The following NOL10 variants were observed in gnomAD, a reference collection of about 807,000 sequenced individuals.
The protein encoded by NOL10 is nucleolar protein 10, also known as H_NH0074G24.1.
A neutral mutation model predicts 103.5 loss-of-function variants in NOL10; 58 were observed. The observed-to-expected ratio is 0.56, with a 90% CI of 0.45 to 0.70. NOL10 has a LOEUF of 0.70. NOL10 is among the 30% of genes least tolerant of loss of function. The probability of loss-of-function intolerance (pLI) is 0.00; values close to 1 mark genes in which losing one functional copy is unlikely to be tolerated. For missense variants in NOL10, 763 were observed against 807.3 expected, an observed-to-expected ratio of 0.95 and a Z score of 0.67; for synonymous variants, 287 against 282.5, an observed-to-expected ratio of 1.02 and a Z score of -0.16.
At chr2:10,660,403 C>T (rs562497547) in intron 9 of NOL10, among the ~76,000 whole-genome samples, 1 of 152,238 alleles carries the variant, frequency 6.6e-6, no homozygotes, top group South Asian at 2.1e-4. Context: ...CTGCAACCTC[C>T]ACCTTCCGGT....
intron 13 of NOL10, among the ~76,000 whole-genome samples, chr2:10,628,485 T>G (rs1677628064): frequency 6.6e-6 from 1 of 152,220 alleles, no homozygotes; most frequent in South Asian, 2.1e-4. Flanking sequence ...TAACTGTATT[T>G]TTAAAATTGT....
chr2:10,638,519 T>G (rs1678469484), intron 13 of NOL10, among the ~76,000 whole-genome samples: 2 of 108,500 alleles, frequency 1.8e-5, no homozygotes, highest in African/African-American at 7.4e-5. Flanking sequence ...TGAGATAGAG[T>G]CTCACCCTGT....
chr2:10,671,587 T>C lies in NOL10; in HGVS notation c.431A>G (p.Tyr144Cys), dbSNP rs142968524. The change falls in exon 6 of 21, where the codon TAT (tyrosine) becomes TGT (cysteine). Residue 144 changes from tyrosine to cysteine, a missense_variant. Transcript: ENST00000381685. ...PKFGRDFSYH[Y>C]PSCDLYFVGA... is the part of the protein sequence containing the mutation. ...AACAAAGTACAAGTCACAGGATGGA[T>C]AGTGGTAAGAGAAATCTCTCCCAAA... 3.8e-5 allele frequency: 61 copies of C among 1,605,864 alleles called. No individual in the cohort carries two copies. Among genetic ancestry groups the C allele is most frequent in the Admixed American group, 1.0e-4 (6 of 58,812 alleles).
intron 19 of NOL10, 35 bp downstream of exon 19, chr2:10,589,008 A>G (rs1447861746): frequency 6.2e-7 from 1 of 1,606,086 alleles, no homozygotes; most frequent in Non-Finnish European, 8.5e-7. Flanking sequence ...GGGCTTGGTT[A>G]CATGTCAACT....
Position 10,648,768 on chromosome 2 carries a change from G to GA in NOL10, c.974-4397dup, listed in dbSNP as rs1006888132. 9.3e-5 allele frequency among the ~76,000 whole-genome samples: 14 copies of GA among 150,604 alleles called. No homozygotes were observed. In the South Asian group the frequency reaches 1.3e-3, roughly 14 times the overall value. ...AGGATCAAGTTAAACAACATCACGA[G>GA]AAAAAAAAATCACATAAATCGAGGA... is the stretch of plus-strand genomic sequence containing the variant. On this transcript the variant is annotated intron_variant, in intron 12 of 20. Coordinates refer to ENST00000381685, the MANE Select transcript of NOL10 (RefSeq NM_024894.4).
At chr2:10,682,602 G>A (rs1055810491) in intron 2 of NOL10, among the ~76,000 whole-genome samples, 3 of 151,930 alleles carry the variant, frequency 2.0e-5, no homozygotes, top group East Asian at 1.9e-4. Flanking sequence ...GTTTCGCCAC[G>A]TTGCCCAGGC....
intron 13 of NOL10, among the ~76,000 whole-genome samples, chr2:10,633,793 ATGTGTGTG>A (rs34227530): frequency 6.7e-6 from 1 of 149,248 alleles, no homozygotes; most frequent in Non-Finnish European, 1.5e-5. Flanking sequence ...GTTTATATGT[ATGTGTGTG>A]TGTGTGTGTG....
chr2:10,638,348 G>A (rs1678440096), intron 13 of NOL10, among the ~76,000 whole-genome samples: 1 of 149,662 alleles, frequency 6.7e-6, no homozygotes, highest in African/African-American at 2.5e-5. Context: ...GTAACGTAAC[G>A]TAACGTAACG....
At chr2:10,652,644 G>C (rs1438656849) in intron 12 of NOL10, among the ~76,000 whole-genome samples, 1 of 152,036 alleles carries the variant, frequency 6.6e-6, no homozygotes, top group Non-Finnish European at 1.5e-5. Flanking sequence ...ATTCCCATCC[G>C]GTTTCTCAGC....
chr2:10,629,565 T>C (rs1677701076), intron 13 of NOL10, among the ~76,000 whole-genome samples: 1 of 152,204 alleles, frequency 6.6e-6, no homozygotes, highest in Non-Finnish European at 1.5e-5. Context: ...CCATATTTTG[T>C]ACAAAGAGTG....
intron 12 of NOL10, among the ~76,000 whole-genome samples, chr2:10,648,562 T>A (rs1029343442): frequency 6.6e-6 from 1 of 152,210 alleles, no homozygotes; most frequent in African/African-American, 2.4e-5. Flanking sequence ...AGTTGCTGGT[T>A]TGCAAGAAAC....
At chr2:10,614,710 G>T (rs537833638) in intron 13 of NOL10, among the ~76,000 whole-genome samples, 23 of 152,106 alleles carry the variant, frequency 1.5e-4, no homozygotes, top group Non-Finnish European at 2.9e-4. Flanking sequence ...TTAAATTTCA[G>T]AATTGCAGAT....
rs751488054 is a variant in NOL10, at chr2:10,572,068, A to T, written c.*3T>A. ...CTAATCACAGGTAGGACCACTTCCC[A>T]AATCAATGAAACGACCGTCCTCTTT... On this transcript the variant is annotated 3_prime_UTR_variant, in exon 21 of 21. Coordinates refer to ENST00000381685, the MANE Select transcript of NOL10 (RefSeq NM_024894.4). 6.2e-7 allele frequency: 1 copy of T among 1,613,456 alleles called. No homozygotes were observed. Among genetic ancestry groups the T allele is most frequent in the Non-Finnish European group, 8.5e-7 (1 of 1,179,892 alleles).
rs1257781988 is a variant in NOL10, at chr2:10,641,869, C to T, written c.1026+2451G>A. ...CTCCATAACGCGGCTCTCCAGCCCA[C>T]ATCTCCTCCTCTACTAGGCAGACCT... On this transcript the variant is annotated intron_variant, in intron 13 of 20. Transcript: ENST00000381685. 3.3e-5 allele frequency among the ~76,000 whole-genome samples: 5 copies of T among 152,204 alleles called. No individual in the cohort carries two copies. The East Asian group carries it at 9.6e-4, about 29-fold the overall frequency.
chr2:10,593,184 G>A (rs183294035), intron 17 of NOL10, among the ~76,000 whole-genome samples: 3 of 151,814 alleles, frequency 2.0e-5, no homozygotes, highest in South Asian at 2.1e-4. Context: ...TGTCACGCAG[G>A]CTGGAGTGCA....
At chr2:10,587,056 CAT>C (rs200196813) in intron 19 of NOL10, among the ~76,000 whole-genome samples, 25,625 of 54,756 alleles carry the variant, frequency 0.47, 9,773 homozygotes, top group Non-Finnish European at 0.64. Context: ...TATATATATA[CAT>C]ATATATATAC....
At chr2:10,584,264 C>G (rs1347562058) in intron 19 of NOL10, among the ~76,000 whole-genome samples, 3 of 152,160 alleles carry the variant, frequency 2.0e-5, no homozygotes, top group Non-Finnish European at 4.4e-5. Context: ...TCTTCCCATC[C>G]CCTGGGTCTA....
intron 20 of NOL10, among the ~76,000 whole-genome samples, chr2:10,574,527 G>C (rs943898392): frequency 1.3e-5 from 2 of 151,740 alleles, no homozygotes; most frequent in Non-Finnish European, 2.9e-5. Flanking sequence ...GCTGCCTGTA[G>C]TCCCAGCTAC....
chr2:10,597,074 A>G (rs750455914), intron 17 of NOL10, among the ~76,000 whole-genome samples: 63 of 152,246 alleles, frequency 4.1e-4, no homozygotes, highest in Non-Finnish European at 8.2e-4. Context: ...GGCTCAAGTA[A>G]TCTTCCTGCC....
Sources: allele counts gnomAD v4.1 joint callset (sites outside exome capture counted in the v4.1 genomes callset), GRCh38; gene constraint gnomAD v4.1.1; transcripts MANE v1.5; gene names NCBI Gene and HGNC (gene_info 2026-07-23, HGNC 2026-07-21).